Variants in TPD52L1 observed in about 807,000 individuals in gnomAD.
TPD52L1 encodes TPD52 like 1.
A neutral mutation model predicts 28.7 loss-of-function variants in TPD52L1; 18 were observed. That is an observed-to-expected ratio of 0.63 (90% confidence interval 0.43 to 0.93). The LOEUF is 0.93. Among genes scored for constraint, TPD52L1 ranks in the 40% least tolerant of loss-of-function variants. The pLI is 0.00. For missense variants in TPD52L1, 203 were observed against 254.8 expected, an observed-to-expected ratio of 0.80 and a Z score of 1.39; for synonymous variants, 75 against 88.8, an observed-to-expected ratio of 0.84 and a Z score of 0.88.
At position 125,243,584 on chromosome 6, in the gene TPD52L1, T is replaced by C. The variant is rs186087711; in HGVS notation, c.285-4698T>C. On this transcript the variant is annotated intron_variant, in intron 3 of 6. Transcript: ENST00000534000. ...GTTTTTTTCTACTTGTTCTAGTCTATTGTTGAAACTTTCCACTGCATTTTT... is the reference window on the plus strand; with the variant it reads ...GTTTTTTTCTACTTGTTCTAGTCTACTGTTGAAACTTTCCACTGCATTTTT... Among the ~76,000 whole-genome samples, 163 of 152,212 alleles carry C rather than the reference T, an allele frequency of 1.1e-3. 1 individual carries two copies. Among genetic ancestry groups the C allele is most frequent in the Non-Finnish European group, 2.4e-4 (16 of 68,002 alleles).
At chr6:125,212,085 A>C (rs1355139073) in intron 1 of TPD52L1, among the ~76,000 whole-genome samples, 7 of 152,180 alleles carry the variant, frequency 4.6e-5, no homozygotes, top group Non-Finnish European at 8.8e-5. Context: ...ATACATGTAG[A>C]TATTTTGAAG....
chr6:125,222,001 A>G (rs1444940199), intron 2 of TPD52L1: 1 of 152,186 alleles, frequency 6.6e-6, no homozygotes, highest in African/African-American at 2.4e-5. Flanking sequence ...AAAGCAGAGA[A>G]AGTGTATCTT....
At chr6:125,168,160 G>A (rs548304995) in intron 1 of TPD52L1, among the ~76,000 whole-genome samples, 34 of 151,862 alleles carry the variant, frequency 2.2e-4, no homozygotes, top group Middle Eastern at 3.4e-3. Context: ...TTCATCCCAC[G>A]TTTTGGGTAC....
chr6:125,167,406 G>A (rs1790985709), intron 1 of TPD52L1, among the ~76,000 whole-genome samples: 1 of 152,078 alleles, frequency 6.6e-6, no homozygotes, highest in South Asian at 2.1e-4. Context: ...TTTACTCTTG[G>A]CCTACTGTGT....
chr6:125,165,282 G>A (rs73771226), intron 1 of TPD52L1, among the ~76,000 whole-genome samples: 2,280 of 151,872 alleles, frequency 0.015, 58 homozygotes, highest in African/African-American at 0.053. Flanking sequence ...GTAATGATTT[G>A]AAATATATGC....
intron 1 of TPD52L1, among the ~76,000 whole-genome samples, chr6:125,176,236 TA>T (rs1791815185): frequency 6.6e-6 from 1 of 152,258 alleles, no homozygotes; most frequent in Admixed American, 6.5e-5. Context: ...TCTACTTAGC[TA>T]GTTCATCGAG....
chr6:125,223,752 T>G (rs1044060394), intron 2 of TPD52L1, among the ~76,000 whole-genome samples: 4 of 150,110 alleles, frequency 2.7e-5, no homozygotes, highest in African/African-American at 9.9e-5. Context: ...TTAACATAAC[T>G]TGATCTTTAA....
At position 125,257,151 on chromosome 6, in the gene TPD52L1, GC is replaced by G; in HGVS notation, c.481del (p.Leu161SerfsTer5). 1 of 1,611,588 alleles carries G rather than the reference GC, an allele frequency of 6.2e-7. No individual in the cohort carries two copies. The highest frequency in any genetic ancestry group is 8.5e-7 in the Non-Finnish European group (1 of 1,178,210). ...FEERVETTVTSLKTKVGGTNP... is the reference protein window; with the variant it reads ...FEERVETTVTXLKTKVGGTNP... ...GAGAGGGTTGAGACAACTGTCACAA[GC>G]CTCAAGGTACAGATGAAGTGAATTC... On this transcript the variant is annotated frameshift_variant, in exon 6 of 7. Transcript: ENST00000534000. LOFTEE classifies it high-confidence loss of function.
intron 1 of TPD52L1, among the ~76,000 whole-genome samples, chr6:125,158,711 G>T (rs1051688270): frequency 6.6e-6 from 1 of 152,086 alleles, no homozygotes; most frequent in African/African-American, 2.4e-5. Context: ...AATGATAAAA[G>T]AACCATTCTT....
chr6:125,252,107 T>G (rs1797309960), intron 4 of TPD52L1: 1 of 1,508,698 alleles, frequency 6.6e-7, no homozygotes, highest in South Asian at 1.2e-5. Flanking sequence ...CAGGGCTCCC[T>G]GTTTCTTTCA....
chr6:125,174,720 T>C (rs1031440568), intron 1 of TPD52L1, among the ~76,000 whole-genome samples: 3 of 152,192 alleles, frequency 2.0e-5, no homozygotes, highest in Non-Finnish European at 4.4e-5. Context: ...AATAACTTAG[T>C]AGAGCATTGG....
At chr6:125,220,559 G>T (rs1184947461) in intron 2 of TPD52L1, among the ~76,000 whole-genome samples, 1 of 152,132 alleles carries the variant, frequency 6.6e-6, no homozygotes, top group African/African-American at 2.4e-5. Flanking sequence ...TTTGAAGATG[G>T]GTTCTGGTTT....
At chr6:125,198,199 A>C (rs1366639702) in intron 1 of TPD52L1, among the ~76,000 whole-genome samples, 1 of 152,162 alleles carries the variant, frequency 6.6e-6, no homozygotes, top group Non-Finnish European at 1.5e-5. Context: ...TTACAGCAGG[A>C]ACAACCCAAG....
At chr6:125,163,215 G>A (rs901574517) in intron 1 of TPD52L1, among the ~76,000 whole-genome samples, 4 of 152,190 alleles carry the variant, frequency 2.6e-5, no homozygotes, top group African/African-American at 7.2e-5. Flanking sequence ...GCTAATTAGA[G>A]CTAATTCACA....
chr6:125,206,623 G>T (rs1171068554), intron 1 of TPD52L1, among the ~76,000 whole-genome samples: 1 of 152,182 alleles, frequency 6.6e-6, no homozygotes, highest in East Asian at 1.9e-4. Flanking sequence ...GACATCACAG[G>T]CAGTCTAGGT....
intron 1 of TPD52L1, among the ~76,000 whole-genome samples, chr6:125,186,640 A>G (rs2114841672): frequency 6.6e-6 from 1 of 152,344 alleles, no homozygotes; most frequent in Non-Finnish European, 1.5e-5. Context: ...TATAAGCGGA[A>G]GAAATTGCCT....
intron 1 of TPD52L1, among the ~76,000 whole-genome samples, chr6:125,218,517 A>G (rs766842666): frequency 6.6e-6 from 1 of 152,306 alleles, no homozygotes; most frequent in East Asian, 1.9e-4. Flanking sequence ...TTAGTTATAT[A>G]TGTGAGAGAT....
chr6:125,240,299 C>T (rs1257467795), intron 3 of TPD52L1, among the ~76,000 whole-genome samples: 1 of 151,960 alleles, frequency 6.6e-6, no homozygotes, highest in Non-Finnish European at 1.5e-5. Flanking sequence ...ATTGTTTTGG[C>T]TATGTGGGCT....
In TPD52L1 at chr6:125,153,927, C is replaced by T. The variant is rs1032824759; in HGVS notation, c.-25C>T. The T allele has an allele frequency of 6.2e-6, 10 of 1,601,032 alleles. No individual in the cohort carries two copies. Among genetic ancestry groups the T allele is most frequent in the Middle Eastern group, 3.3e-4 (2 of 6,046 alleles). ...CTGGGAAGCACCAGGGTGTCCCCGC[C>T]GCCCTCAGCTCGAAGTCAGCCACCA... On this transcript the variant is annotated 5_prime_UTR_variant, in exon 1 of 7. Transcript: ENST00000534000.
Sources: allele counts gnomAD v4.1 joint callset (sites outside exome capture counted in the v4.1 genomes callset), GRCh38; gene constraint gnomAD v4.1.1; transcripts MANE v1.5; gene names NCBI Gene and HGNC (gene_info 2026-07-23, HGNC 2026-07-21).